The following SGTB variants were observed in gnomAD, a reference collection of about 807,000 sequenced individuals.
SGTB encodes small glutamine-rich tetratricopeptide repeat-containing protein beta.
Under a neutral mutation model 43.9 loss-of-function variants are expected in SGTB, and 19 were observed. The observed-to-expected ratio is 0.43, with a 90% CI of 0.30 to 0.63. The LOEUF is 0.63. Ranked by LOEUF, SGTB falls within the 30% of genes least tolerant of loss-of-function variation. SGTB has a pLI of 0.12. For synonymous variants in SGTB, 116 were observed against 117.3 expected (o/e 0.99, Z 0.07); for missense variants, 304 against 358.9 (o/e 0.85, Z 1.24).
chr5:65,704,042 A>G (rs1319900602), intron 5 of SGTB, among the ~76,000 whole-genome samples: 4 of 83,370 alleles, frequency 4.8e-5, no homozygotes, highest in Non-Finnish European at 8.0e-5. Flanking sequence ...TCTCAAAAAA[A>G]AAAAAAAAAA....
intron 5 of SGTB, among the ~76,000 whole-genome samples, chr5:65,691,701 G>A (rs1193788203): frequency 6.6e-6 from 1 of 151,040 alleles, no homozygotes; most frequent in Non-Finnish European, 1.5e-5. Flanking sequence ...AGCACTTTGG[G>A]AGGCCGAGGC....
At chr5:65,713,922 A>G (rs6881506) in intron 2 of SGTB, among the ~76,000 whole-genome samples, 8,125 of 152,042 alleles carry the variant, frequency 0.053, 718 homozygotes, top group African/African-American at 0.18. Context: ...CCAGCTACTC[A>G]GGAGGCTGAG....
chr5:65,716,229 C>A (rs963146320), intron 2 of SGTB, among the ~76,000 whole-genome samples: 1 of 152,142 alleles, frequency 6.6e-6, no homozygotes, highest in Admixed American at 6.5e-5. Context: ...GGATATGGTA[C>A]ATTTATAAAG....
At chr5:65,703,911 G>A (rs950717071) in intron 5 of SGTB, among the ~76,000 whole-genome samples, 4 of 150,534 alleles carry the variant, frequency 2.7e-5, no homozygotes, top group Non-Finnish European at 5.9e-5. Context: ...GGTGACAGGC[G>A]CCTGTAGTCC....
At chr5:65,692,661 T>C (rs1362279338) in intron 5 of SGTB, among the ~76,000 whole-genome samples, 1 of 152,078 alleles carries the variant, frequency 6.6e-6, no homozygotes, top group Non-Finnish European at 1.5e-5. Context: ...AAAAGTGGCA[T>C]AACAAAATAC....
chr5:65,722,664 A>G, upstream of SGTB: 2 of 510,910 alleles, frequency 3.9e-6, no homozygotes, highest in South Asian at 4.9e-5. Flanking sequence ...AGCCGCAGTC[A>G]GCGAGGCTGG....
rs907186633 is a variant in SGTB at position 65,667,858 on chromosome 5, T to C, written c.*2388A>G. On this transcript the variant is annotated 3_prime_UTR_variant, in exon 11 of 11. Transcript: ENST00000381007. ...TATCCAGGTGATTCTTACAATGAAG[T>C]TATAGAACTACTGTTCTAATGTCAC... The C allele has an allele frequency of 3.3e-5, 5 of 152,190 alleles. No homozygotes were observed. The highest frequency in any genetic ancestry group is 1.2e-4 in the African/African-American group (5 of 41,444). 9.4% of individuals were successfully genotyped at this position (152,190 alleles called of 1,614,324 possible).
intron 8 of SGTB, among the ~76,000 whole-genome samples, chr5:65,678,626 T>A (rs1406919541): frequency 1.3e-5 from 2 of 152,200 alleles, no homozygotes; most frequent in Non-Finnish European, 2.9e-5. Context: ...CAAAACTGCA[T>A]GGTACTGGTA....
chr5:65,685,977 A>C (rs1406990440), intron 5 of SGTB, among the ~76,000 whole-genome samples: 2 of 152,238 alleles, frequency 1.3e-5, no homozygotes, highest in African/African-American at 4.8e-5. Flanking sequence ...AGGCTCCCAG[A>C]AGTTCTCATA....
At chr5:65,675,281 T>C (rs1242014111) in intron 8 of SGTB, among the ~76,000 whole-genome samples, 2 of 152,166 alleles carry the variant, frequency 1.3e-5, no homozygotes, top group East Asian at 1.9e-4. Context: ...ACTCTAAAGA[T>C]AGAAAACAAG....
At chr5:65,676,127 T>C (rs1223425087) in intron 8 of SGTB, among the ~76,000 whole-genome samples, 1 of 151,844 alleles carries the variant, frequency 6.6e-6, no homozygotes, top group East Asian at 1.9e-4. Flanking sequence ...AGGCTCAAAA[T>C]ACAGGGATGA....
chr5:65,708,347 A>G (rs1757975988), intron 4 of SGTB, 142 bp downstream of exon 4: 5 of 635,212 alleles, frequency 7.9e-6, no homozygotes, highest in Non-Finnish European at 1.3e-5. Flanking sequence ...TACCCATCAC[A>G]TTCATTTCTG....
intron 4 of SGTB, among the ~76,000 whole-genome samples, chr5:65,707,818 T>A (rs573480674): frequency 1.1e-4 from 16 of 152,278 alleles, no homozygotes; most frequent in African/African-American, 3.9e-4. Context: ...CATAGCATAT[T>A]CCCTAGTAAC....
intron 6 of SGTB, among the ~76,000 whole-genome samples, chr5:65,683,227 T>A (rs984279120): frequency 1.3e-5 from 2 of 150,746 alleles, no homozygotes; most frequent in East Asian, 3.9e-4. Context: ...CAAAAAAAAA[T>A]GTAGCACTAA....
intron 5 of SGTB, among the ~76,000 whole-genome samples, chr5:65,686,213 G>A (rs888692343): frequency 6.6e-6 from 1 of 152,148 alleles, no homozygotes; most frequent in African/African-American, 2.4e-5. Flanking sequence ...GGAGGGCCAG[G>A]GTGTGCTGAC....
chr5:65,705,734 A>C (rs1757920497), intron 4 of SGTB, among the ~76,000 whole-genome samples: 1 of 152,148 alleles, frequency 6.6e-6, no homozygotes, highest in Non-Finnish European at 1.5e-5. Flanking sequence ...GGGGTTATAA[A>C]AATGTTCTGT....
intron 5 of SGTB, among the ~76,000 whole-genome samples, chr5:65,693,494 A>G (rs1199661794): frequency 6.6e-6 from 1 of 152,202 alleles, no homozygotes; most frequent in African/African-American, 2.4e-5. Flanking sequence ...TGTGATGAAC[A>G]TACATATAGA....
chr5:65,708,870 G>A (rs1213770444), intron 3 of SGTB, among the ~76,000 whole-genome samples: 1 of 151,946 alleles, frequency 6.6e-6, no homozygotes, highest in African/African-American at 2.4e-5. Context: ...GTGAAACCCC[G>A]TCTCTATAGA....
At chr5:65,687,832 G>A (rs535129644) in intron 5 of SGTB, among the ~76,000 whole-genome samples, 2 of 152,142 alleles carry the variant, frequency 1.3e-5, no homozygotes, top group Admixed American at 6.5e-5. Flanking sequence ...GCAGTGGCGC[G>A]ATCTCGGCTC....
Sources: allele counts gnomAD v4.1 joint callset (sites outside exome capture counted in the v4.1 genomes callset), GRCh38; gene constraint gnomAD v4.1.1; transcripts MANE v1.5; gene names NCBI Gene and HGNC (gene_info 2026-07-23, HGNC 2026-07-21).